The following MAP2K4 variants were observed in gnomAD, a reference collection of about 807,000 sequenced individuals.
MAP2K4 encodes the protein dual specificity mitogen-activated protein kinase kinase 4.
Under a neutral mutation model 48.5 loss-of-function variants are expected in MAP2K4, and 4 were observed. The ratio of observed to expected loss-of-function variants is 0.08; its 90% CI spans 0.04 to 0.19. The LOEUF (loss-of-function observed/expected upper bound fraction) is 0.19. Ranked by LOEUF, MAP2K4 falls within the 10% of genes least tolerant of loss-of-function variation. The pLI, the probability that MAP2K4 is intolerant of heterozygous loss-of-function variation, is 1.00. For synonymous variants in MAP2K4, 166 were observed against 173.1 expected, an observed-to-expected ratio of 0.96 and a Z score of 0.32; for missense variants, 258 against 493.3, an observed-to-expected ratio of 0.52 and a Z score of 4.52.
chr17:12,057,275 C>T (rs1245341908), intron 2 of MAP2K4, among the ~76,000 whole-genome samples: 5 of 152,040 alleles, frequency 3.3e-5, no homozygotes, highest in African/African-American at 7.2e-5. Context: ...AAATGCTTCC[C>T]AGAAGAACAA....
At chr17:12,113,176 C>A (rs1050032729) in intron 6 of MAP2K4, 57 bp from the exon 7 acceptor site, 3 of 1,551,946 alleles carry the variant, frequency 1.9e-6, no homozygotes, top group Non-Finnish European at 1.8e-6. Flanking sequence ...TAAAGTGAAG[C>A]CTTATGTAAC....
intron 4 of MAP2K4, among the ~76,000 whole-genome samples, chr17:12,101,284 C>A (rs750101287): frequency 9.2e-5 from 14 of 151,816 alleles, no homozygotes; most frequent in Non-Finnish European, 1.9e-4. Context: ...ATCCTTTGCA[C>A]CTTTATCAGA....
At chr17:12,026,111 T>G (rs1319915300) in intron 1 of MAP2K4, among the ~76,000 whole-genome samples, 2 of 152,196 alleles carry the variant, frequency 1.3e-5, no homozygotes, top group Non-Finnish European at 2.9e-5. Context: ...AACCCTAGTA[T>G]TAAAGTAAAA....
rs189817203 is a variant in MAP2K4, at chr17:12,141,281, C to G, written c.*21C>G. 6.5e-7 allele frequency: 1 copy of G among 1,546,078 alleles called. No homozygotes were observed. The highest frequency in any genetic ancestry group is 8.9e-7 in the Non-Finnish European group (1 of 1,120,078). ...ATTGATATCGCTGCTACATCAGACT[C>G]TAGAAAAAAGGGCTGAGAGGAAGCA... is the stretch of plus-strand genomic sequence containing the variant. On this transcript the variant is annotated 3_prime_UTR_variant, in exon 11 of 11. Transcript: ENST00000353533.
rs750208931 is a variant in MAP2K4, at chr17:12,054,961, C to A, written c.188C>A (p.Pro63His). The A allele has an allele frequency of 1.9e-6, 3 of 1,611,688 alleles. No individual in the cohort carries two copies. Among genetic ancestry groups the A allele is most frequent in the Non-Finnish European group, 2.5e-6 (3 of 1,178,266 alleles). Residue 63 changes from proline to histidine, a missense_variant, in exon 2 of 11, where the codon CCC becomes CAC. Transcript: ENST00000353533. ...FKSTARFTLN[P>H]NPTGVQNPHI... ...TCTACAGCAAGGTTTACTCTGAATCCCAATCCTACAGGAGTTCAAAACCCA... is the reference window on the plus strand; with the variant it reads ...TCTACAGCAAGGTTTACTCTGAATCACAATCCTACAGGAGTTCAAAACCCA...
chr17:12,066,198 T>C lies in MAP2K4; in HGVS notation c.218+11207T>C, dbSNP rs1218941029. The stretch of plus-strand genomic sequence containing the variant: ...AAAGCCAAAATGGCCCATTATCTTA[T>C]CATCCAGGTAGTTCATGTTACCCTT... On this transcript the variant is annotated intron_variant, in intron 2 of 10. Transcript: ENST00000353533. Among the ~76,000 whole-genome samples, 5 of 151,924 alleles carry C rather than the reference T, an allele frequency of 3.3e-5. No homozygotes were observed. The East Asian group carries it at 9.6e-4, about 29-fold the overall frequency.
chr17:12,032,966 A>T (rs1158282772), intron 1 of MAP2K4, among the ~76,000 whole-genome samples: 1 of 152,086 alleles, frequency 6.6e-6, no homozygotes, highest in Non-Finnish European at 1.5e-5. Context: ...CTCCTGAGTA[A>T]CTGGGACTGC....
In MAP2K4 at chr17:12,081,937, C is replaced by G; in HGVS notation, c.393+407C>G. 1 of 535,562 alleles carries G rather than the reference C, an allele frequency of 1.9e-6. No individual in the cohort carries two copies. Among genetic ancestry groups the G allele is most frequent in the South Asian group, 1.4e-5 (1 of 71,168 alleles). 33.2% of individuals were successfully genotyped at this position (535,562 alleles called of 1,614,324 possible). ...GGGGCTAGGGCTAACAGCAGTCTTA[C>G]TGAAGGTTTCCTGGAAACCACGCAC... On this transcript the variant is annotated intron_variant, in intron 3 of 10. Transcript: ENST00000353533. The surrounding 1 kb of genome is among the most constrained non-coding windows in gnomAD (Gnocchi z 4.2).
intron 1 of MAP2K4, among the ~76,000 whole-genome samples, chr17:12,025,870 CTAAT>C (rs148633815): frequency 0.02 from 3,115 of 152,250 alleles, 49 homozygotes; most frequent in South Asian, 0.067. Flanking sequence ...TCTGTTTTTA[CTAAT>C]TAGTCTGGTT....
At chr17:12,039,830 A>AT (rs537083543) in intron 1 of MAP2K4, among the ~76,000 whole-genome samples, 116 of 151,754 alleles carry the variant, frequency 7.6e-4, no homozygotes, top group African/African-American at 2.5e-3. Context: ...TTTCCTTACC[A>AT]TTTTTTTTGT....
At chr17:12,070,419 C>G (rs1021741912) in intron 2 of MAP2K4, among the ~76,000 whole-genome samples, 3 of 152,086 alleles carry the variant, frequency 2.0e-5, no homozygotes, top group African/African-American at 4.8e-5. Context: ...GTTTCTGCCC[C>G]TAATTCCACT....
At chr17:12,050,122 G>C (rs1230559156) in intron 1 of MAP2K4, among the ~76,000 whole-genome samples, 2 of 152,168 alleles carry the variant, frequency 1.3e-5, no homozygotes, top group Admixed American at 6.5e-5. Context: ...GAGGATTCTA[G>C]TGATTGTAGT....
chr17:12,073,064 A>G (rs753703903), intron 2 of MAP2K4, among the ~76,000 whole-genome samples: 2 of 152,248 alleles, frequency 1.3e-5, no homozygotes, highest in African/African-American at 2.4e-5. Context: ...TTATTAAGAA[A>G]CAAAGATGAA....
rs557270571 is a variant in MAP2K4, at chr17:12,129,313, G to T, written c.1040+26G>T. 8.1e-6 allele frequency: 13 copies of T among 1,613,946 alleles called. No homozygotes were observed. The South Asian group carries it at 1.4e-4, about 18-fold the overall frequency. ...GTGAGTACCTGATTTATGAATGGTC[G>T]AACACGCATGGCGAGAATAGTGAGA... On this transcript the variant is annotated intron_variant, in intron 9 of 10. Transcript: ENST00000353533.
intron 4 of MAP2K4, among the ~76,000 whole-genome samples, chr17:12,096,245 T>A (rs1348637353): frequency 1.3e-5 from 2 of 152,188 alleles, no homozygotes; most frequent in African/African-American, 4.8e-5. Context: ...TCTAATTCTC[T>A]TATCCAGATT....
chr17:12,022,711 TCC>T (rs1969126896), intron 1 of MAP2K4, among the ~76,000 whole-genome samples: 1 of 152,098 alleles, frequency 6.6e-6, no homozygotes, highest in African/African-American at 2.4e-5. Flanking sequence ...ATGGAGGTTA[TCC>T]CCCTGTGAAG....
At chr17:12,113,479 C>T (rs1193243560) in intron 7 of MAP2K4, 119 bp downstream of exon 7, 7 of 1,257,664 alleles carry the variant, frequency 5.6e-6, no homozygotes, top group Non-Finnish European at 6.5e-6. Context: ...TTTCCCTTAC[C>T]CTAAGGCCCA....
intron 1 of MAP2K4, among the ~76,000 whole-genome samples, chr17:12,030,335 TAGTG>T (rs1969395924): frequency 6.6e-6 from 1 of 152,202 alleles, no homozygotes; most frequent in African/African-American, 2.4e-5. Context: ...AGTATTTTCT[TAGTG>T]AGAAATAATG....
intron 2 of MAP2K4, among the ~76,000 whole-genome samples, chr17:12,056,497 C>T (rs1416657827): frequency 6.6e-6 from 1 of 152,000 alleles, no homozygotes; most frequent in African/African-American, 2.4e-5. Flanking sequence ...AGCTAGATTT[C>T]TCATCCTTTG....
Sources: gnomAD v4.1 joint callset for allele counts (sites outside exome capture counted in the v4.1 genomes callset) on GRCh38, gnomAD v4.1.1 for gene constraint, Gnocchi (gnomAD v3.1) non-coding constraint, MANE v1.5 for transcripts, NCBI Gene and HGNC (gene_info 2026-07-23, HGNC 2026-07-21) for gene names.